The following OSBPL10 variants were observed in gnomAD, a reference collection of about 807,000 sequenced individuals.
The protein encoded by OSBPL10 is oxysterol binding protein like 10, also known as oxysterol-binding protein-related protein 10.
OSBPL10 carries 49 observed loss-of-function variants against 81.7 expected under a neutral mutation model. The ratio of observed to expected loss-of-function variants is 0.60; its 90% CI spans 0.48 to 0.76. The LOEUF is 0.76. Among genes scored for constraint, OSBPL10 ranks in the 30% least tolerant of loss-of-function variants. The pLI, the probability that OSBPL10 is intolerant of heterozygous loss-of-function variation, is 0.00. For synonymous variants in OSBPL10, 419 were observed against 383.6 expected (o/e 1.09, Z -1.08); for missense variants, 923 against 987.8 (o/e 0.93, Z 0.88).
At chr3:31,748,432 G>A (rs1697604556) in intron 4 of OSBPL10, among the ~76,000 whole-genome samples, 1 of 152,114 alleles carries the variant, frequency 6.6e-6, no homozygotes, top group Non-Finnish European at 1.5e-5. Flanking sequence ...AGCAGTCCTT[G>A]CAACCACCTT....
At chr3:31,693,717 C>T (rs7619753) in intron 7 of OSBPL10, among the ~76,000 whole-genome samples, 96,256 of 152,088 alleles carry the variant, frequency 0.63, 31,308 homozygotes, top group Middle Eastern at 0.72. Context: ...TTGCAGTAGA[C>T]ACAATACGGT....
At chr3:32,012,534 C>G (rs967324681) in intron 2 of OSBPL10, among the ~76,000 whole-genome samples, 2 of 152,194 alleles carry the variant, frequency 1.3e-5, no homozygotes, top group African/African-American at 4.8e-5. Flanking sequence ...ACTGCATCAA[C>G]TAACGAGCAA....
At chr3:31,913,029 C>T (rs924079037) in intron 1 of OSBPL10, among the ~76,000 whole-genome samples, 7 of 152,212 alleles carry the variant, frequency 4.6e-5, no homozygotes, top group South Asian at 4.2e-4. Flanking sequence ...CCCACACACC[C>T]GCATATATAA....
At chr3:32,024,532 TCAGGCTGGAGTGCGATGG>T (rs1285404599) in intron 2 of OSBPL10, among the ~76,000 whole-genome samples, 1 of 126,856 alleles carries the variant, frequency 7.9e-6, no homozygotes, top group Admixed American at 1.0e-4. Flanking sequence ...CTCTTGTCCC[TCAGGCTGGAGTGCGATGG>T]CATGATCTCG....
rs144178941 is a variant in OSBPL10, at chr3:31,978,665, G to A, written c.281+2234C>T. On this transcript the variant is annotated intron_variant, in intron 1 of 11. Transcript: ENST00000396556. ...GACGATGCTTATGGAGTCAGTGGTA[G>A]ACTTGGAAAACGGTGAGTCTACTGT... Among the ~76,000 whole-genome samples, 413 of 152,272 alleles carry A rather than the reference G, an allele frequency of 2.7e-3. 4 individuals are homozygous for A. The highest frequency in any genetic ancestry group is 9.2e-3 in the African/African-American group (384 of 41,554).
chr3:31,684,950 T>C (rs1187727631), intron 7 of OSBPL10, among the ~76,000 whole-genome samples: 2 of 152,120 alleles, frequency 1.3e-5, no homozygotes, highest in Admixed American at 6.5e-5. Flanking sequence ...CCCGGATAAC[T>C]CTGGTAGAGA....
At position 31,785,523 on chromosome 3, in the gene OSBPL10, G is replaced by T. The variant is rs145680597; in HGVS notation, c.730-37403C>A. Among the ~76,000 whole-genome samples the T allele has an allele frequency of 9.2e-5, 14 of 152,204 alleles. No individual in the cohort carries two copies. In the East Asian group the frequency reaches 2.1e-3, roughly 23 times the overall value. On this transcript the variant is annotated intron_variant, in intron 4 of 11. Transcript: ENST00000396556. ...TAAAGCTGTTTCAGTAAGCCCCAAG[G>T]CCTACTTACAAGCACAACGCAATGG...
rs150659065 is a variant in OSBPL10 at position 31,767,163 on chromosome 3, G to A, written c.730-19043C>T. 5.3e-5 allele frequency among the ~76,000 whole-genome samples: 8 copies of A among 152,216 alleles called. No individual in the cohort carries two copies. In the East Asian group the frequency reaches 1.5e-3, roughly 29 times the overall value. ...ATTAAAATTACCACTGAGGAGCTCT[G>A]GATTTTGCTACAATATTAGCCAATT... On this transcript the variant is annotated intron_variant, in intron 4 of 11. Transcript: ENST00000396556.
Position 31,832,117 on chromosome 3 carries a change from G to T in OSBPL10, c.538-1886C>A, listed in dbSNP as rs144417690. Among the ~76,000 whole-genome samples the T allele has an allele frequency of 2.9e-3, 438 of 152,318 alleles. 3 individuals carry two copies. The highest frequency in any genetic ancestry group is 9.5e-3 in the African/African-American group (393 of 41,572). On this transcript the variant is annotated intron_variant, in intron 3 of 11. Transcript: ENST00000396556. ...CAGCTATACAGTTAAGTGAAGGAAG[G>T]CACATAATTGATCTATAGTATGCAA...
At chr3:31,932,111 T>C (rs1247370994) in intron 1 of OSBPL10, among the ~76,000 whole-genome samples, 3 of 152,206 alleles carry the variant, frequency 2.0e-5, no homozygotes, top group African/African-American at 4.8e-5. Context: ...TATCTGATTA[T>C]ATTATACCGA....
intron 2 of OSBPL10, among the ~76,000 whole-genome samples, chr3:32,005,132 C>T (rs1158076198): frequency 1.3e-5 from 2 of 152,012 alleles, no homozygotes; most frequent in Admixed American, 6.6e-5. Context: ...CATAGGTATA[C>T]GTGTGCCATG....
chr3:32,073,823 C>A (rs915701115), intron 1 of OSBPL10, among the ~76,000 whole-genome samples: 4 of 152,078 alleles, frequency 2.6e-5, no homozygotes, highest in African/African-American at 9.7e-5. Context: ...TGGTGCTATC[C>A]CCAAACCGCC....
intron 1 of OSBPL10, among the ~76,000 whole-genome samples, chr3:31,975,730 GAT>G (rs1698678068): frequency 6.6e-6 from 1 of 152,172 alleles, no homozygotes; most frequent in Admixed American, 6.5e-5. Flanking sequence ...CAAGACTTCT[GAT>G]ACTAATAATA....
intron 7 of OSBPL10, among the ~76,000 whole-genome samples, chr3:31,702,158 C>T (rs1397793961): frequency 1.3e-5 from 2 of 152,162 alleles, no homozygotes; most frequent in South Asian, 2.1e-4. Flanking sequence ...CAGGGCTGTC[C>T]AGCCCTGAGG....
At chr3:32,039,244 T>C (rs922513121) in intron 2 of OSBPL10, among the ~76,000 whole-genome samples, 1 of 151,816 alleles carries the variant, frequency 6.6e-6, no homozygotes, top group Non-Finnish European at 1.5e-5. Context: ...AAGAATCGCT[T>C]GAACCTGGGA....
intron 5 of OSBPL10, among the ~76,000 whole-genome samples, chr3:31,747,487 T>TCAA (rs1553620893): frequency 0.014 from 1,343 of 98,078 alleles, 24 homozygotes; most frequent in East Asian, 0.021. Context: ...AATCTTCAAA[T>TCAA]AAAAAAAAAA....
chr3:31,734,186 A>G (rs1041505473), intron 5 of OSBPL10, among the ~76,000 whole-genome samples: 1 of 152,138 alleles, frequency 6.6e-6, no homozygotes, highest in Non-Finnish European at 1.5e-5. Context: ...GGTGTGGCAG[A>G]TGTCAGGAAG....
chr3:32,026,038 A>AGATAGATAGATAGAT lies in OSBPL10; in HGVS notation n.298+20438_298+20452dup, dbSNP rs1553649766. ...TAGATAGATAGATAGATAGATAGAT[A>AGATAGATAGATAGAT]GATAGATAGATAGATAGATGATAGA... is the stretch of plus-strand genomic sequence containing the variant. On this transcript the variant is annotated intron_variant and non_coding_transcript_variant, in intron 2 of 3. Transcript: ENST00000479173. Among the ~76,000 whole-genome samples, 21 of 123,752 alleles carry AGATAGATAGATAGAT rather than the reference A, an allele frequency of 1.7e-4. 1 individual carries two copies. Among genetic ancestry groups the AGATAGATAGATAGAT allele is most frequent in the African/African-American group, 6.8e-4 (20 of 29,488 alleles). 81.2% of individuals were successfully genotyped at this position (123,752 alleles called of 152,430 possible). A position where few individuals can be genotyped will look rare whatever the true frequency, so the allele number is the denominator to read the frequency against.
intron 5 of OSBPL10, among the ~76,000 whole-genome samples, chr3:31,747,054 GC>G (rs1697548740): frequency 6.6e-6 from 1 of 152,070 alleles, no homozygotes; most frequent in African/African-American, 2.4e-5. Flanking sequence ...AAGAAGTGGG[GC>G]CAGGCACAGT....
Sources: gnomAD v4.1 joint callset for allele counts (sites outside exome capture counted in the v4.1 genomes callset) on GRCh38, gnomAD v4.1.1 for gene constraint, MANE v1.5 for transcripts, NCBI Gene and HGNC (gene_info 2026-07-23, HGNC 2026-07-21) for gene names.